CYP2U1: variants seen among roughly 807,000 people sequenced by gnomAD.
CYP2U1 encodes the protein cytochrome P450 2U1.
CYP2U1 carries 28 observed loss-of-function variants against 42.8 expected under a neutral mutation model. That is an observed-to-expected ratio of 0.65 (90% CI 0.48 to 0.90). The LOEUF (loss-of-function observed/expected upper bound fraction) is 0.90. Among genes scored for constraint, CYP2U1 ranks in the 40% least tolerant of loss-of-function variants. The probability of loss-of-function intolerance (pLI) is 0.00; values close to 1 mark genes in which losing one functional copy is unlikely to be tolerated. For missense variants in CYP2U1, 642 were observed against 693.8 expected (o/e 0.93, Z 0.84); for synonymous variants, 296 against 278.9 (o/e 1.06, Z -0.61).
chr4:107,937,814 G>A (rs181365130), intron 1 of CYP2U1: 3 of 151,992 alleles, frequency 2.0e-5, no homozygotes, highest in Admixed American at 2.0e-4. Context: ...CCATGTACAT[G>A]TATTTTTAGA....
intron 1 of CYP2U1, among the ~76,000 whole-genome samples, chr4:107,932,716 C>A (rs761112769): frequency 1.9e-4 from 29 of 152,188 alleles, no homozygotes; most frequent in Non-Finnish European, 2.9e-4. Context: ...AATAAAATGT[C>A]CAATCTAACC....
rs747481440 is a variant in CYP2U1 at position 107,932,124 on chromosome 4, AAGG to A, written c.484_486del (p.Glu162del). On this transcript the variant is annotated inframe_deletion, in exon 1 of 5. Coordinates refer to ENST00000332884, the MANE Select transcript of CYP2U1 (RefSeq NM_183075.3). ...GGTGCCGCTCATCTCCATCGTGACC[AAGG>A]AGAAGGGTGAGCGGGAGGTCGTGGG... 2.3e-5 allele frequency: 37 copies of A among 1,604,398 alleles called. No homozygotes were observed. Among genetic ancestry groups the A allele is most frequent in the Non-Finnish European group, 3.1e-5 (36 of 1,176,422 alleles).
chr4:107,935,468 AG>A (rs1450433323), intron 1 of CYP2U1: 1 of 152,218 alleles, frequency 6.6e-6, no homozygotes, highest in Non-Finnish European at 1.5e-5. Flanking sequence ...TGGCTAGAGA[AG>A]GTGTTGACAA....
In CYP2U1 at chr4:107,948,176, G is replaced by C. The variant is rs556347996; in HGVS notation, c.1288+639G>C. Among the ~76,000 whole-genome samples the C allele has an allele frequency of 3.5e-4, 52 of 150,594 alleles. 1 individual carries two copies. The highest frequency in any genetic ancestry group is 1.2e-3 in the African/African-American group (51 of 40,888). On this transcript the variant is annotated intron_variant, in intron 3 of 4. Transcript: ENST00000332884. ...CCAGCTACTCAGGAGGCTGAGGCAG[G>C]AGAATCGCTTGGACCTGGGAGGTTG...
In CYP2U1 at chr4:107,952,055, G is replaced by A. The variant is rs1385378422; in HGVS notation, c.*1632G>A. 1 of 152,242 alleles carries A rather than the reference G, an allele frequency of 6.6e-6. No homozygotes were observed. The highest frequency in any genetic ancestry group is 1.9e-4 in the East Asian group (1 of 5,182). 9.4% of individuals were successfully genotyped at this position (152,242 alleles called of 1,614,324 possible). A position where few individuals can be genotyped will look rare whatever the true frequency, so the allele number is the denominator to read the frequency against. On this transcript the variant is annotated 3_prime_UTR_variant, in exon 5 of 5. Coordinates refer to ENST00000332884, the MANE Select transcript of CYP2U1 (RefSeq NM_183075.3). The stretch of plus-strand genomic sequence containing the variant: ...TTGTGTGTGTCTGTCTTCATCCCAG[G>A]CTGAGCTCCTTGAGGTGAGGATGTT...
intron 2 of CYP2U1, among the ~76,000 whole-genome samples, chr4:107,946,236 A>G (rs939041510): frequency 6.6e-6 from 1 of 152,132 alleles, no homozygotes; most frequent in African/African-American, 2.4e-5. Flanking sequence ...AGAAGAATCA[A>G]TTTCCATGCT....
At position 107,950,583 on chromosome 4, in the gene CYP2U1, G is replaced by A; in HGVS notation, c.*160G>A. 1 of 646,026 alleles carries A rather than the reference G, an allele frequency of 1.5e-6. No homozygotes were observed. The highest frequency in any genetic ancestry group is 2.4e-6 in the Non-Finnish European group (1 of 414,790). 40.0% of individuals were successfully genotyped at this position (646,026 alleles called of 1,614,324 possible). Reference sequence around the variant, plus strand: ...AGAGCACACTGGGAGGTTTCATCTTGGAGGATTCCTCAGCAGGATACTTCA... The same window carrying A: ...AGAGCACACTGGGAGGTTTCATCTTAGAGGATTCCTCAGCAGGATACTTCA... On this transcript the variant is annotated 3_prime_UTR_variant, in exon 5 of 5. Transcript: ENST00000332884.
intron 2 of CYP2U1, 30 bp from the exon 3 acceptor site, chr4:107,947,346 C>T (rs764639884): frequency 4.3e-6 from 7 of 1,610,346 alleles, no homozygotes; most frequent in Non-Finnish European, 5.9e-6. Context: ...CCATGCTTAT[C>T]TTCTGGTTTA....
chr4:107,941,154 A>T (rs1733479819), intron 1 of CYP2U1: 1 of 152,126 alleles, frequency 6.6e-6, no homozygotes, highest in Admixed American at 6.5e-5. Context: ...CTTTTAAAAA[A>T]TTTAAAAAAC....
chr4:107,936,979 C>T (rs1253356013), intron 1 of CYP2U1, among the ~76,000 whole-genome samples: 1 of 152,018 alleles, frequency 6.6e-6, no homozygotes, highest in Non-Finnish European at 1.5e-5. Context: ...TTTGCTCTTA[C>T]AAACTATGCT....
At chr4:107,947,616 G>A in intron 3 of CYP2U1, 79 bp downstream of exon 3, 2 of 1,411,192 alleles carry the variant, frequency 1.4e-6, no homozygotes, top group South Asian at 1.2e-5. Context: ...GGTGAGGGGT[G>A]TGGTGACTGT....
At chr4:107,943,660 TTGAC>T (rs796968862) in intron 1 of CYP2U1, among the ~76,000 whole-genome samples, 3 of 152,368 alleles carry the variant, frequency 2.0e-5, no homozygotes, top group African/African-American at 7.2e-5. Flanking sequence ...TCTGGTATGT[TTGAC>T]TGCATGGATG....
Position 107,945,044 on chromosome 4 carries a change from G to C in CYP2U1, c.565G>C (p.Gly189Arg), listed in dbSNP as rs1401706343. ...KFSHSTLRHF[G>R]LGKLSLEPKI... ...CTCTCATTCAACTCTTCGTCATTTT[G>C]GGTTGGGAAAACTTAGCTTGGAGCC... The change falls in exon 2 of 5, where the codon GGG becomes CGG. Residue 189 changes from glycine to arginine, a missense_variant. Gly to Arg is a moderately radical substitution (Grantham distance 125). Transcript: ENST00000332884. 3 of 1,613,362 alleles carry C rather than the reference G, an allele frequency of 1.9e-6. No homozygotes were observed. In the Admixed American group the frequency reaches 5.0e-5, roughly 27 times the overall value.
chr4:107,933,400 T>C (rs907986258), intron 1 of CYP2U1, among the ~76,000 whole-genome samples: 2 of 152,206 alleles, frequency 1.3e-5, no homozygotes, highest in African/African-American at 4.8e-5. Flanking sequence ...CAGGCACCCA[T>C]GAGCTCAGAA....
chr4:107,950,351 GC>G lies in CYP2U1; in HGVS notation c.1567del (p.Leu523SerfsTer2). On this transcript the variant is annotated frameshift_variant, in exon 5 of 5. Coordinates refer to ENST00000332884, the MANE Select transcript of CYP2U1 (RefSeq NM_183075.3). LOFTEE classifies it high-confidence loss of function. ...AFALPEDSKKPLLTGRFGLTL... is the reference protein window; with the variant it reads ...AFALPEDSKKXLLTGRFGLTL... ...TTGCTTTACCTGAGGATTCTAAGAA[GC>G]CCCTCCTGACTGGAAGATTTGGTCT... The G allele has an allele frequency of 2.5e-6, 4 of 1,614,030 alleles. No homozygotes were observed. In the South Asian group the frequency reaches 4.4e-5, roughly 18 times the overall value.
In CYP2U1 at chr4:107,945,314, C is replaced by G; in HGVS notation, c.835C>G (p.Leu279Val). Residue 279 changes from leucine (L) to valine (V), a missense_variant, in exon 2 of 5, where the codon CTT becomes GTT. By Grantham distance (32) the Leu-to-Val change is conservative. Transcript: ENST00000332884. Reference sequence around the variant, plus strand: ...CAACATATGCCCTTGGCTTTATTACCTTCCCTTTGGACCATTTAAGGAATT... The same window carrying G: ...CAACATATGCCCTTGGCTTTATTACGTTCCCTTTGGACCATTTAAGGAATT... ...LVNICPWLYY[L>V]PFGPFKELRQ... 6.2e-7 allele frequency: 1 copy of G among 1,614,066 alleles called. No individual in the cohort carries two copies. Among genetic ancestry groups the G allele is most frequent in the Non-Finnish European group, 8.5e-7 (1 of 1,180,010 alleles).
At chr4:107,934,917 G>A (rs999405957) in intron 1 of CYP2U1, among the ~76,000 whole-genome samples, 2 of 152,126 alleles carry the variant, frequency 1.3e-5, no homozygotes, top group Admixed American at 6.5e-5. Flanking sequence ...AGTAAACACT[G>A]GCAAGTATTT....
chr4:107,938,251 G>C (rs761845861), intron 1 of CYP2U1: 4 of 152,162 alleles, frequency 2.6e-5, no homozygotes, highest in Non-Finnish European at 4.4e-5. Flanking sequence ...TTAATCTGTA[G>C]GCCAGGCACA....
chr4:107,947,498 G>A lies in CYP2U1; in HGVS notation c.1249G>A (p.Val417Met), dbSNP rs1484464094. ...IMEVQRLTVVVPLAIPHMTSE... is the reference protein window; with the variant it reads ...IMEVQRLTVVMPLAIPHMTSE... ...GGAAGTGCAGAGGCTAACTGTGGTG[G>A]TGCCGCTTGCCATTCCTCATATGAC... The change falls in exon 3 of 5, where the codon GTG becomes ATG. Residue 417 changes from valine (V) to methionine (M), a missense_variant. Val to Met is a conservative substitution (Grantham distance 21, BLOSUM62 1). Transcript: ENST00000332884. 27 of 1,613,992 alleles carry A rather than the reference G, an allele frequency of 1.7e-5. No homozygotes were observed. Among genetic ancestry groups the A allele is most frequent in the Non-Finnish European group, 2.3e-5 (27 of 1,180,024 alleles).
Sources: gnomAD v4.1 joint callset for allele counts (sites outside exome capture counted in the v4.1 genomes callset) on GRCh38, gnomAD v4.1.1 for gene constraint, MANE v1.5 for transcripts, NCBI Gene and HGNC (gene_info 2026-07-23, HGNC 2026-07-21) for gene names.